The following CNOT3 variants were observed in gnomAD, a reference collection of about 807,000 sequenced individuals.
CNOT3 encodes CCR4-associated factor 3.
Under a neutral mutation model 89.4 loss-of-function variants are expected in CNOT3, and 2 were observed. That is an observed-to-expected ratio of 0.02 (90% CI 0.01 to 0.07). The LOEUF is 0.07. Ranked by LOEUF, CNOT3 falls within the 10% of genes least tolerant of loss-of-function variation. The pLI, the probability that CNOT3 is intolerant of heterozygous loss-of-function variation, is 1.00. For missense variants in CNOT3, 664 were observed against 1,010.2 expected, an observed-to-expected ratio of 0.66 and a Z score of 4.65; for synonymous variants, 486 against 402.0, an observed-to-expected ratio of 1.21 and a Z score of -2.50.
intron 17 of CNOT3, chr19:54,154,246 A>G (rs1344752484): frequency 2.6e-6 from 1 of 382,980 alleles, no homozygotes; most frequent in East Asian, 6.3e-5. Context: ...AGCACTCAGC[A>G]GGGCAGGGGC....
chr19:54,143,974 G>A (rs2146574027), intron 5 of CNOT3, 32 bp from the exon 6 acceptor site: 1 of 1,583,860 alleles, frequency 6.3e-7, no homozygotes, highest in Middle Eastern at 1.7e-4. Context: ...TCCCACCTTT[G>A]AGAGCCCCCC....
chr19:54,155,144 C>CAAG, intron 17 of CNOT3, 165 bp from the exon 18 acceptor site: 1 of 706,510 alleles, frequency 1.4e-6, no homozygotes, highest in Non-Finnish European at 2.3e-6. Context: ...ATTTCCTACC[C>CAAG]AAGAAGAACC....
Position 54,143,447 on chromosome 19 carries a change from C to T in CNOT3, c.99C>T (p.His33=). 1 of 1,613,990 alleles carries T rather than the reference C, an allele frequency of 6.2e-7. No individual in the cohort carries two copies. The highest frequency in any genetic ancestry group is 1.3e-5 in the African/African-American group (1 of 75,012). The stretch of plus-strand genomic sequence containing the variant: ...CAATTCTCTCCATCCCTCAGCTCCA[C>T]AATGCAGCCAACGCGAACCAGAAAG... ...EQFEDIWQKL[H]NAANANQKEK... Residue 33 remains histidine, a synonymous_variant, in exon 4 of 18, where the codon CAC becomes CAT. Transcript: ENST00000221232.
chr19:54,155,579 C>CG lies in CNOT3; in HGVS notation c.*177dup. The CG allele has an allele frequency of 2.0e-6, 2 of 1,011,764 alleles. No individual in the cohort carries two copies. Among genetic ancestry groups the CG allele is most frequent in the Admixed American group, 2.7e-5 (1 of 36,800 alleles). The allele number at this position is 1,011,764 out of a possible 1,614,324, so 62.7% of individuals were successfully genotyped here. On this transcript the variant is annotated 3_prime_UTR_variant, in exon 18 of 18. Coordinates refer to ENST00000221232, the MANE Select transcript of CNOT3 (RefSeq NM_014516.4). ...TCCTCTCAGCCCCACCCTGGGGGCC[C>CG]GGGGGCGAGGGCTGCCCCCTCCTCC...
rs200421099 is a variant in CNOT3, at chr19:54,148,457, G to A, written c.1204G>A (p.Gly402Ser). 385 of 1,563,796 alleles carry A rather than the reference G, an allele frequency of 2.5e-4. No individual in the cohort carries two copies. In the African/African-American group the frequency reaches 3.5e-3, roughly 14 times the overall value. The change falls in exon 11 of 18, where the codon GGC becomes AGC. Residue 402 changes from glycine to serine, a missense_variant. Physicochemically the swap from Gly to Ser is moderately conservative, Grantham distance 56. Transcript: ENST00000221232. This position sits in a 1 kb window ranked among gnomAD's most constrained non-coding sequence, Gnocchi z 6.3. Reference protein sequence around the residue: ...SVQPSGGGGGGSGGGGSSSSS... With the variant: ...SVQPSGGGGGSSGGGGSSSSS... ...CCAGCCTAGCGGAGGCGGAGGCGGCGGCAGCGGAGGCGGAGGGAGCAGCAG... is the reference window on the plus strand; with the variant it reads ...CCAGCCTAGCGGAGGCGGAGGCGGCAGCAGCGGAGGCGGAGGGAGCAGCAG...
intron 1 of CNOT3, among the ~76,000 whole-genome samples, chr19:54,140,126 T>A (rs1027916239): frequency 6.6e-6 from 1 of 152,104 alleles, no homozygotes; most frequent in East Asian, 1.9e-4. Flanking sequence ...TGCCCCTCCC[T>A]CCTCGAGTCT....
At chr19:54,146,331 C>T (rs1241462683) in intron 9 of CNOT3, among the ~76,000 whole-genome samples, 1 of 152,176 alleles carries the variant, frequency 6.6e-6, no homozygotes, top group Non-Finnish European at 1.5e-5. Context: ...CCACCTTGGG[C>T]AGGGATCCAA....
chr19:54,143,274 G>A lies in CNOT3; in HGVS notation c.93+88G>A, dbSNP rs190230979. 1.1e-4 allele frequency: 139 copies of A among 1,311,952 alleles called. 1 individual carries two copies. The African/African-American group carries it at 1.7e-3, about 16-fold the overall frequency. 81.3% of individuals were successfully genotyped at this position (1,311,952 alleles called of 1,614,324 possible). A position where few individuals can be genotyped will look rare whatever the true frequency, so the allele number is the denominator to read the frequency against. On this transcript the variant is annotated intron_variant, in intron 3 of 17. Transcript: ENST00000221232. ...AGGACCTCTGGGTGTTGACCAGCGG[G>A]AGGGGCTACATATGCAGATGCTGAG...
In CNOT3 at chr19:54,153,137, G is replaced by A. The variant is rs768269835; in HGVS notation, c.2037+138G>A. The A allele has an allele frequency of 1.0e-5, 8 of 780,092 alleles. No individual in the cohort carries two copies. The Admixed American group carries it at 1.2e-4, about 12-fold the overall frequency. 48.3% of individuals were successfully genotyped at this position (780,092 alleles called of 1,614,324 possible). On this transcript the variant is annotated intron_variant, in intron 16 of 17. Coordinates refer to ENST00000221232, the MANE Select transcript of CNOT3 (RefSeq NM_014516.4). ...GCACCCCCTCCCTATTCCCACTCCT[G>A]GGCCCCTGCCCCAAATCCACCTGTC...
intron 16 of CNOT3, 67 bp downstream of exon 16, chr19:54,153,066 C>T (rs760667610): frequency 2.3e-5 from 36 of 1,534,958 alleles, no homozygotes; most frequent in African/African-American, 2.7e-5. Flanking sequence ...CGTCCCCCCT[C>T]GGGCTGGAGG....
At position 54,145,326 on chromosome 19, in the gene CNOT3, C is replaced by T. The variant is rs2074618624; in HGVS notation, c.484-272C>T. Among the ~76,000 whole-genome samples the T allele has an allele frequency of 6.6e-6, 1 of 152,040 alleles. No homozygotes were observed. Among genetic ancestry groups the T allele is most frequent in the Admixed American group, 6.5e-5 (1 of 15,274 alleles). On this transcript the variant is annotated intron_variant, in intron 7 of 17. Transcript: ENST00000221232. The surrounding 1 kb of genome is among the most constrained non-coding windows in gnomAD (Gnocchi z 5.9). ...GCCAAGTCGTGGGATGGCACAAGGA[C>T]CTCTGGGTCTTTTAGAGGTTTCCAA...
At chr19:54,138,433 G>GC (rs1262665645) in intron 1 of CNOT3, among the ~76,000 whole-genome samples, 2 of 152,162 alleles carry the variant, frequency 1.3e-5, no homozygotes, top group Non-Finnish European at 2.9e-5. Flanking sequence ...TCAGGTGCCT[G>GC]CCCCCCTCGG....
At chr19:54,147,201 C>G (rs587688329) in intron 10 of CNOT3, among the ~76,000 whole-genome samples, 1 of 152,346 alleles carries the variant, frequency 6.6e-6, no homozygotes, top group South Asian at 2.1e-4. Context: ...TCTTCAACTC[C>G]TTTGACATCT....
chr19:54,153,398 G>A, intron 16 of CNOT3: 1 of 769,192 alleles, frequency 1.3e-6, no homozygotes, highest in South Asian at 1.4e-5. Context: ...ACCCCAGTGA[G>A]TCATGAGTGA....
Position 54,144,430 on chromosome 19 carries a change from C to T in CNOT3, c.483+98C>T, listed in dbSNP as rs1463899171. 5 of 887,954 alleles carry T rather than the reference C, an allele frequency of 5.6e-6. No individual in the cohort carries two copies. The highest frequency in any genetic ancestry group is 9.2e-6 in the Non-Finnish European group (5 of 544,624). The allele number at this position is 887,954 out of a possible 1,614,324, so 55.0% of individuals were successfully genotyped here. On this transcript the variant is annotated intron_variant, in intron 7 of 17. Transcript: ENST00000221232. This position sits in a 1 kb window ranked among gnomAD's most constrained non-coding sequence, Gnocchi z 4.8. ...CATTTATGCTCCTGGGAGTTGGGGC[C>T]TGGATTCCTCAGGCGGACAGGGCCA... is the stretch of plus-strand genomic sequence containing the variant.
Position 54,142,914 on chromosome 19 carries a change from A to G in CNOT3, c.-50-15A>G. 2 of 1,539,292 alleles carry G rather than the reference A, an allele frequency of 1.3e-6. No individual in the cohort carries two copies. The highest frequency in any genetic ancestry group is 1.8e-6 in the Non-Finnish European group (2 of 1,113,640). On this transcript the variant is annotated splice_polypyrimidine_tract_variant and intron_variant, in intron 1 of 17. Coordinates refer to ENST00000221232, the MANE Select transcript of CNOT3 (RefSeq NM_014516.4). ...AGGGAATACGTGTTAATTCCTCTCC[A>G]ATCTCTCCTAGCAGCGTCCGTCTCC...
chr19:54,142,792 G>C (rs2074505804), intron 1 of CNOT3, 137 bp from the exon 2 acceptor site: 5 of 650,100 alleles, frequency 7.7e-6, no homozygotes, highest in Admixed American at 4.4e-5. Context: ...GAGAACTGGG[G>C]CTGGTCTCTT....
chr19:54,147,537 A>C (rs1255501632), intron 10 of CNOT3, among the ~76,000 whole-genome samples: 1 of 152,200 alleles, frequency 6.6e-6, no homozygotes, highest in Non-Finnish European at 1.5e-5. Flanking sequence ...GCGCTTGGTA[A>C]GCGCAAGGTG....
chr19:54,152,220 C>T lies in CNOT3; in HGVS notation c.1606-6C>T, dbSNP rs1303350471. 2 of 1,613,982 alleles carry T rather than the reference C, an allele frequency of 1.2e-6. No individual in the cohort carries two copies. The highest frequency in any genetic ancestry group is 3.3e-5 in the Admixed American group (2 of 60,026). ...GCTCAGGCCAGGCCTCTTGTTTCCT[C>T]CCCAGGCCCCTGAGCCTCTGAGCTC... On this transcript the variant is annotated splice_region_variant and splice_polypyrimidine_tract_variant and intron_variant, in intron 13 of 17. Transcript: ENST00000221232.
Sources: allele counts gnomAD v4.1 joint callset (sites outside exome capture counted in the v4.1 genomes callset), GRCh38; gene constraint gnomAD v4.1.1; non-coding constraint Gnocchi (gnomAD v3.1); transcripts MANE v1.5; gene names NCBI Gene and HGNC (gene_info 2026-07-23, HGNC 2026-07-21).